Variants in CFDP1 observed in about 807,000 individuals in gnomAD.
The protein encoded by CFDP1 is heterochromatin-stabilizing protein CFDP1.
A neutral mutation model predicts 40.1 loss-of-function variants in CFDP1; 31 were observed. That is an observed-to-expected ratio of 0.77 (90% CI 0.58 to 1.04). The LOEUF (loss-of-function observed/expected upper bound fraction) is 1.04, where lower values mean the gene tolerates loss of function less well. Ranked by LOEUF, CFDP1 falls within the 50% of genes least tolerant of loss-of-function variation. The pLI, the probability that CFDP1 is intolerant of heterozygous loss-of-function variation, is 0.00. For missense variants in CFDP1, 423 were observed against 343.4 expected (o/e 1.23, Z -1.83); for synonymous variants, 167 against 120.0 (o/e 1.39, Z -2.56).
chr16:75,311,192 G>C (rs1374255121), intron 5 of CFDP1, among the ~76,000 whole-genome samples: 2 of 152,172 alleles, frequency 1.3e-5, no homozygotes, highest in Non-Finnish European at 2.9e-5. Context: ...CAGGAGACTT[G>C]GGGTTAGTAC....
intron 6 of CFDP1, among the ~76,000 whole-genome samples, chr16:75,299,553 C>G (rs1341303182): frequency 6.6e-6 from 1 of 151,760 alleles, no homozygotes; most frequent in Non-Finnish European, 1.5e-5. Context: ...TGAGATCGCG[C>G]CACTGCACTC....
At chr16:75,303,400 A>AATAAATAAATAAATGAATGT (rs745774792) in intron 6 of CFDP1, among the ~76,000 whole-genome samples, 1 of 146,168 alleles carries the variant, frequency 6.8e-6, no homozygotes, top group Non-Finnish European at 1.5e-5. Context: ...TAAATAAATA[A>AATAAATAAATAAATGAATGT]ATGTATGTAT....
rs565141293 is a variant in CFDP1, at chr16:75,363,592, C to T, written c.650+31498G>A. Among the ~76,000 whole-genome samples the T allele has an allele frequency of 2.6e-5, 4 of 152,166 alleles. No individual in the cohort carries two copies. The East Asian group carries it at 5.8e-4, about 22-fold the overall frequency. On this transcript the variant is annotated intron_variant, in intron 5 of 6. Coordinates refer to ENST00000283882, the MANE Select transcript of CFDP1 (RefSeq NM_006324.3). Reference sequence around the variant, plus strand: ...TGTATTTTTAGTAGAGTCAGGGTTTCACCATGTTGGTCAGGCTGATCTCAA... The same window carrying T: ...TGTATTTTTAGTAGAGTCAGGGTTTTACCATGTTGGTCAGGCTGATCTCAA...
chr16:75,298,248 C>A (rs752597754), intron 6 of CFDP1, among the ~76,000 whole-genome samples: 2 of 152,174 alleles, frequency 1.3e-5, no homozygotes, highest in Non-Finnish European at 2.9e-5. Context: ...CACTTCCAGT[C>A]CCAAGCATTT....
At chr16:75,422,968 A>C (rs2079296865) in intron 1 of CFDP1, among the ~76,000 whole-genome samples, 2 of 152,016 alleles carry the variant, frequency 1.3e-5, no homozygotes, top group Admixed American at 1.3e-4. Context: ...ACATGGTGAG[A>C]GACCTCATCT....
intron 5 of CFDP1, among the ~76,000 whole-genome samples, chr16:75,315,247 G>C (rs1032260102): frequency 1.5e-5 from 2 of 137,446 alleles, no homozygotes; most frequent in Admixed American, 8.3e-5. Flanking sequence ...TGGGAGGTTT[G>C]CTTGAGAACG....
chr16:75,346,144 C>T (rs1330751067), intron 5 of CFDP1, among the ~76,000 whole-genome samples: 1 of 152,192 alleles, frequency 6.6e-6, no homozygotes, highest in African/African-American at 2.4e-5. Flanking sequence ...TTTACTAGCA[C>T]ATGTGAAGTG....
intron 5 of CFDP1, among the ~76,000 whole-genome samples, chr16:75,384,895 T>TATAC: frequency 9.3e-6 from 1 of 107,698 alleles, no homozygotes; most frequent in East Asian, 2.8e-4. Flanking sequence ...TATATATATA[T>TATAC]ATATTGCAGA....
intron 5 of CFDP1, among the ~76,000 whole-genome samples, chr16:75,331,127 G>A (rs533951774): frequency 3.5e-4 from 54 of 152,328 alleles, no homozygotes; most frequent in African/African-American, 1.3e-3. Context: ...AATGCAGTTT[G>A]TGTCCCTCTC....
chr16:75,417,414 A>G (rs2079219577), intron 1 of CFDP1, among the ~76,000 whole-genome samples: 2 of 152,230 alleles, frequency 1.3e-5, no homozygotes, highest in Admixed American at 1.3e-4. Flanking sequence ...TAAAATTTCT[A>G]TGTATTTACC....
intron 1 of CFDP1, among the ~76,000 whole-genome samples, chr16:75,420,508 T>C (rs143865389): frequency 6.6e-5 from 10 of 152,328 alleles, no homozygotes; most frequent in African/African-American, 2.2e-4. Context: ...TTTTCAGCTA[T>C]CTATGCCATT....
chr16:75,422,761 G>A (rs1369338761), intron 1 of CFDP1, among the ~76,000 whole-genome samples: 1 of 151,984 alleles, frequency 6.6e-6, no homozygotes, highest in Non-Finnish European at 1.5e-5. Flanking sequence ...CAGAAGGATC[G>A]CTTGAGGCCA....
At chr16:75,373,163 T>G (rs566162000) in intron 5 of CFDP1, among the ~76,000 whole-genome samples, 1 of 152,262 alleles carries the variant, frequency 6.6e-6, no homozygotes, top group Non-Finnish European at 1.5e-5. Flanking sequence ...TCTCGGTTTA[T>G]CCAGTTACAT....
At chr16:75,339,832 G>A (rs142265605) in intron 5 of CFDP1, among the ~76,000 whole-genome samples, 1 of 152,306 alleles carries the variant, frequency 6.6e-6, no homozygotes, top group African/African-American at 2.4e-5. Context: ...CCAGGTAGAA[G>A]CTGTTCTAGA....
intron 5 of CFDP1, among the ~76,000 whole-genome samples, chr16:75,323,023 GA>G (rs2078376057): frequency 6.6e-6 from 1 of 151,902 alleles, no homozygotes; most frequent in African/African-American, 2.4e-5. Flanking sequence ...CATTTATTTA[GA>G]AAATTTTTTT....
intron 5 of CFDP1, among the ~76,000 whole-genome samples, chr16:75,347,360 A>AAAAG (rs2078576300): frequency 5.6e-5 from 1 of 17,710 alleles, no homozygotes; most frequent in Admixed American, 6.2e-4. Flanking sequence ...AAAAAAAAAA[A>AAAAG]AAAAGAAAAA....
intron 4 of CFDP1, among the ~76,000 whole-genome samples, chr16:75,397,814 T>C (rs569279731): frequency 2.6e-5 from 4 of 151,706 alleles, no homozygotes. Flanking sequence ...AAAAAATAAA[T>C]AAATAAATAA....
intron 5 of CFDP1, among the ~76,000 whole-genome samples, chr16:75,352,007 C>CAAAAAAAAAAA (rs3975153): frequency 2.3e-5 from 2 of 86,764 alleles, no homozygotes; most frequent in African/African-American, 5.6e-5. Context: ...GACTCTGTCT[C>CAAAAAAAAAAA]AAAAAAAAAA....
intron 5 of CFDP1, among the ~76,000 whole-genome samples, chr16:75,378,086 ATGTGCTT>A (rs1436571731): frequency 1.3e-5 from 2 of 152,148 alleles, no homozygotes; most frequent in African/African-American, 4.8e-5. Context: ...AGGGAATACC[ATGTGCTT>A]CCTTTCTGAC....
Sources: allele counts gnomAD v4.1 joint callset (sites outside exome capture counted in the v4.1 genomes callset), GRCh38; gene constraint gnomAD v4.1.1; transcripts MANE v1.5; gene names NCBI Gene and HGNC (gene_info 2026-07-23, HGNC 2026-07-21).